RAPGEF2: variants seen among roughly 807,000 people sequenced by gnomAD.
RAPGEF2 encodes the protein PDZ domain containing guanine nucleotide exchange factor (GEF) 1.
Under a neutral mutation model 186.7 loss-of-function variants are expected in RAPGEF2, and 54 were observed. The observed-to-expected ratio is 0.29, with a 90% confidence interval of 0.23 to 0.36. The LOEUF is 0.36. Ranked by LOEUF, RAPGEF2 falls within the 10% of genes least tolerant of loss-of-function variation. The pLI, the probability that RAPGEF2 is intolerant of heterozygous loss-of-function variation, is 1.00. For missense variants in RAPGEF2, 1,532 were observed against 2,045.0 expected (o/e 0.75, Z 4.84); for synonymous variants, 712 against 705.9 (o/e 1.01, Z -0.14).
intron 1 of RAPGEF2, among the ~76,000 whole-genome samples, chr4:159,113,905 CAT>C (rs1221818024): frequency 1.3e-5 from 2 of 151,948 alleles, no homozygotes; most frequent in African/African-American, 4.8e-5. Flanking sequence ...CACACACACA[CAT>C]AATAGCTAAT....
intron 1 of RAPGEF2, among the ~76,000 whole-genome samples, chr4:159,157,993 C>T (rs1445133982): frequency 6.6e-6 from 1 of 151,934 alleles, no homozygotes; most frequent in East Asian, 1.9e-4. Flanking sequence ...TATGGTGGGG[C>T]TAGCAGATGG....
chr4:159,239,356 C>T (rs184933409), intron 5 of RAPGEF2, among the ~76,000 whole-genome samples: 1 of 152,100 alleles, frequency 6.6e-6, no homozygotes. Flanking sequence ...ACTGTTAATT[C>T]ATTCATTAGA....
chr4:159,329,645 T>A (rs1204388290), intron 11 of RAPGEF2: 2 of 337,244 alleles, frequency 5.9e-6, no homozygotes, highest in South Asian at 9.1e-5. Context: ...AAAATACATA[T>A]AAGTATTCTA....
At chr4:159,198,296 T>TTC (rs1330245867) in intron 3 of RAPGEF2, among the ~76,000 whole-genome samples, 4 of 41,910 alleles carry the variant, frequency 9.5e-5, no homozygotes, top group Non-Finnish European at 1.3e-4. Context: ...CTTTCTTTCT[T>TTC]TCTTTCTTTC....
intron 7 of RAPGEF2, among the ~76,000 whole-genome samples, chr4:159,250,619 CAAAA>C (rs1482000435): frequency 6.7e-6 from 1 of 149,840 alleles, no homozygotes; most frequent in African/African-American, 2.5e-5. Context: ...AATAAAACCT[CAAAA>C]TAAGTTGTGA....
intron 6 of RAPGEF2, among the ~76,000 whole-genome samples, chr4:159,241,773 C>T (rs1372708922): frequency 6.6e-6 from 1 of 151,922 alleles, no homozygotes; most frequent in Admixed American, 6.6e-5. Context: ...TTAGCGCCCT[C>T]CTGTGCACTC....
intron 1 of RAPGEF2, chr4:159,128,737 T>A (rs1431802738): frequency 2.0e-5 from 3 of 151,622 alleles, no homozygotes; most frequent in Admixed American, 2.0e-4. Context: ...TAAAAACTCT[T>A]TTACACCAAT....
chr4:159,235,614 T>C (rs1753170582), intron 4 of RAPGEF2, among the ~76,000 whole-genome samples: 1 of 152,212 alleles, frequency 6.6e-6, no homozygotes, highest in South Asian at 2.1e-4. Context: ...TTAAAAGGAT[T>C]GTTCTTTATA....
At chr4:159,209,658 G>C (rs1002039943) in intron 3 of RAPGEF2, among the ~76,000 whole-genome samples, 2 of 152,168 alleles carry the variant, frequency 1.3e-5, no homozygotes, top group Non-Finnish European at 2.9e-5. Flanking sequence ...AACTATATTA[G>C]TAAGGTTGTG....
chr4:159,194,704 T>C (rs1373877276), intron 3 of RAPGEF2, among the ~76,000 whole-genome samples: 1 of 152,214 alleles, frequency 6.6e-6, no homozygotes, highest in Non-Finnish European at 1.5e-5. Context: ...ACAGCTTATT[T>C]ATTTGAATCA....
chr4:159,340,396 A>G (rs1473438572), intron 19 of RAPGEF2, among the ~76,000 whole-genome samples: 4 of 152,200 alleles, frequency 2.6e-5, no homozygotes, highest in Non-Finnish European at 4.4e-5. Context: ...ACTGAGCTAT[A>G]GATTCATGAT....
intron 1 of RAPGEF2, among the ~76,000 whole-genome samples, chr4:159,118,579 A>G (rs1167292954): frequency 1.4e-5 from 2 of 147,356 alleles, no homozygotes; most frequent in Non-Finnish European, 3.0e-5. Context: ...AATGTATATT[A>G]AAGTATTATT....
At chr4:159,225,221 A>G (rs775910732) in intron 4 of RAPGEF2, among the ~76,000 whole-genome samples, 3 of 152,146 alleles carry the variant, frequency 2.0e-5, no homozygotes, top group South Asian at 2.1e-4. Flanking sequence ...ACAAACAGGG[A>G]CAGAATTTGA....
chr4:159,238,904 G>T lies in RAPGEF2; in HGVS notation c.357+20G>T. 3 of 1,435,888 alleles carry T rather than the reference G, an allele frequency of 2.1e-6. No individual in the cohort carries two copies. The highest frequency in any genetic ancestry group is 2.7e-6 in the Non-Finnish European group (3 of 1,100,238). 88.9% of individuals were successfully genotyped at this position (1,435,888 alleles called of 1,614,324 possible). A position where few individuals can be genotyped will look rare whatever the true frequency, so the allele number is the denominator to read the frequency against. On this transcript the variant is annotated intron_variant, in intron 5 of 29. Transcript: ENST00000691494. ...ATTGTGGTAAGAGTATTTCTGTGAG[G>T]ACTATTTTTCCCCTAAAAAATTGTA...
At chr4:159,275,319 G>C (rs1758716584) in intron 7 of RAPGEF2, among the ~76,000 whole-genome samples, 1 of 152,072 alleles carries the variant, frequency 6.6e-6, no homozygotes, top group African/African-American at 2.4e-5. Context: ...TCTTAGGCAT[G>C]AGTTAGCCTT....
chr4:159,188,590 G>A (rs1311837481), intron 2 of RAPGEF2, among the ~76,000 whole-genome samples: 2 of 151,146 alleles, frequency 1.3e-5, no homozygotes, highest in African/African-American at 4.9e-5. Context: ...CTTGAACCTG[G>A]GAGGCAGAGG....
At chr4:159,227,243 T>TTCA (rs1752137172) in intron 4 of RAPGEF2, among the ~76,000 whole-genome samples, 3 of 152,236 alleles carry the variant, frequency 2.0e-5, no homozygotes, top group Non-Finnish European at 4.4e-5. Context: ...ATCTGAATCA[T>TTCA]TCATTATATT....
intron 7 of RAPGEF2, among the ~76,000 whole-genome samples, chr4:159,251,024 G>A (rs1023317804): frequency 2.0e-5 from 3 of 152,198 alleles, no homozygotes; most frequent in East Asian, 3.9e-4. Flanking sequence ...AGAGTGGCCC[G>A]CCGGTGCTGC....
intron 7 of RAPGEF2, among the ~76,000 whole-genome samples, chr4:159,245,993 A>G (rs942071222): frequency 6.6e-6 from 1 of 152,132 alleles, no homozygotes; most frequent in Non-Finnish European, 1.5e-5. Context: ...ACCCAAAAAT[A>G]TGGCTCCACT....
Sources: allele counts gnomAD v4.1 joint callset (sites outside exome capture counted in the v4.1 genomes callset), GRCh38; gene constraint gnomAD v4.1.1; transcripts MANE v1.5; gene names NCBI Gene and HGNC (gene_info 2026-07-23, HGNC 2026-07-21).